CDH6: variants seen among roughly 807,000 people sequenced by gnomAD.
CDH6 encodes cadherin-6.
A neutral mutation model predicts 78.0 loss-of-function variants in CDH6; 31 were observed. The observed-to-expected ratio is 0.40, with a 90% CI of 0.30 to 0.54. The LOEUF (loss-of-function observed/expected upper bound fraction) is 0.54, where lower values mean the gene tolerates loss of function less well. CDH6 is among the 20% of genes least tolerant of loss of function. The pLI, the probability that CDH6 is intolerant of heterozygous loss-of-function variation, is 0.56. For missense variants in CDH6, 724 were observed against 975.9 expected (o/e 0.74, Z 3.44); for synonymous variants, 376 against 368.8 (o/e 1.02, Z -0.23).
chr5:31,244,828 A>G (rs1215016791), intron 1 of CDH6, among the ~76,000 whole-genome samples: 3 of 152,144 alleles, frequency 2.0e-5, no homozygotes, highest in Non-Finnish European at 4.4e-5. Flanking sequence ...TACTTACTAT[A>G]GGAGAAGAGG....
At chr5:31,263,911 T>C (rs1481485724) in intron 1 of CDH6, among the ~76,000 whole-genome samples, 7 of 152,246 alleles carry the variant, frequency 4.6e-5, no homozygotes, top group Non-Finnish European at 5.9e-5. Context: ...TAGTTCTGAT[T>C]TTCTTTCACC....
chr5:31,275,138 T>C (rs544006878), intron 2 of CDH6, among the ~76,000 whole-genome samples: 1 of 152,328 alleles, frequency 6.6e-6, no homozygotes, highest in Non-Finnish European at 1.5e-5. Flanking sequence ...AGAATATAAA[T>C]AAGCTGAATG....
intron 1 of CDH6, among the ~76,000 whole-genome samples, chr5:31,202,754 A>T (rs959469572): frequency 5.3e-5 from 8 of 151,274 alleles, no homozygotes; most frequent in African/African-American, 1.7e-4. Context: ...GTATATATGT[A>T]ACATATACAC....
chr5:31,261,324 T>C (rs1390818933), intron 1 of CDH6, among the ~76,000 whole-genome samples: 4 of 152,242 alleles, frequency 2.6e-5, no homozygotes, highest in Non-Finnish European at 5.9e-5. Flanking sequence ...TGTTTTCTAC[T>C]TCCTTAATGA....
Position 31,325,339 on chromosome 5 carries a change from C to G in CDH6, c.*2031C>G, listed in dbSNP as rs1579920945. On this transcript the variant is annotated 3_prime_UTR_variant, in exon 12 of 12. Coordinates refer to ENST00000265071, the MANE Select transcript of CDH6 (RefSeq NM_004932.4). ...ACACACATACACACACACACACACA[C>G]ACACACACACACACACGAATGCAAA... is the stretch of plus-strand genomic sequence containing the variant. 3.4e-5 allele frequency: 8 copies of G among 232,006 alleles called. No homozygotes were observed. The East Asian group carries it at 3.7e-4, about 11-fold the overall frequency. The allele number at this position is 232,006 out of a possible 1,614,324, so 14.4% of individuals were successfully genotyped here. A position where few individuals can be genotyped will look rare whatever the true frequency, so the allele number is the denominator to read the frequency against.
At chr5:31,216,543 CA>C (rs1179613074) in intron 1 of CDH6, among the ~76,000 whole-genome samples, 1 of 151,684 alleles carries the variant, frequency 6.6e-6, no homozygotes, top group Admixed American at 6.6e-5. Context: ...ATAGCATAGT[CA>C]AATAGTTGCA....
intron 2 of CDH6, among the ~76,000 whole-genome samples, chr5:31,288,962 G>T (rs1055859603): frequency 2.0e-5 from 3 of 152,172 alleles, no homozygotes; most frequent in Non-Finnish European, 2.9e-5. Flanking sequence ...TTGTTGGGGG[G>T]AGAGGGGGTT....
intron 2 of CDH6, among the ~76,000 whole-genome samples, chr5:31,272,801 A>G (rs58520378): frequency 0.34 from 52,168 of 152,058 alleles, 9,119 homozygotes; most frequent in Admixed American, 0.39. Flanking sequence ...CATGCCAGGA[A>G]ATCTGTTTTT....
chr5:31,273,528 T>C (rs560236000), intron 2 of CDH6, among the ~76,000 whole-genome samples: 1 of 152,144 alleles, frequency 6.6e-6, no homozygotes, highest in Non-Finnish European at 1.5e-5. Context: ...CAGGCCATTG[T>C]CTCACACTGC....
intron 1 of CDH6, among the ~76,000 whole-genome samples, chr5:31,224,785 C>T (rs961476405): frequency 2.6e-5 from 4 of 152,166 alleles, no homozygotes; most frequent in Admixed American, 1.3e-4. Flanking sequence ...CTCAAGTGAT[C>T]CACCTTCCTC....
chr5:31,313,492 T>G lies in CDH6; in HGVS notation c.1390+38T>G, dbSNP rs764292015. The G allele has an allele frequency of 3.8e-6, 6 of 1,577,214 alleles. No homozygotes were observed. The South Asian group carries it at 6.9e-5, about 18-fold the overall frequency. On this transcript the variant is annotated intron_variant, in intron 8 of 11. Coordinates refer to ENST00000265071, the MANE Select transcript of CDH6 (RefSeq NM_004932.4). ...TAATACCGCTGCTGTCCCCTATTAA[T>G]AGACTGAGTGTCCCAGCAAGGGCTG... is the stretch of plus-strand genomic sequence containing the variant.
intron 11 of CDH6, among the ~76,000 whole-genome samples, chr5:31,321,915 A>T (rs563296565): frequency 6.6e-6 from 1 of 152,250 alleles, no homozygotes; most frequent in Non-Finnish European, 1.5e-5. Context: ...ATGTCCATTC[A>T]TAGATAGATG....
At chr5:31,296,857 G>A (rs1012982255) in intron 3 of CDH6, among the ~76,000 whole-genome samples, 4 of 152,058 alleles carry the variant, frequency 2.6e-5, no homozygotes, top group Admixed American at 1.3e-4. Flanking sequence ...AGCACATTAC[G>A]GTCCAAGAAA....
At chr5:31,259,473 G>A (rs1190708349) in intron 1 of CDH6, among the ~76,000 whole-genome samples, 1 of 152,246 alleles carries the variant, frequency 6.6e-6, no homozygotes, top group East Asian at 1.9e-4. Flanking sequence ...AATCATCCAT[G>A]CTAATTTGTA....
intron 2 of CDH6, among the ~76,000 whole-genome samples, chr5:31,280,417 A>G (rs1408113595): frequency 6.6e-6 from 1 of 152,170 alleles, no homozygotes; most frequent in African/African-American, 2.4e-5. Flanking sequence ...CTAGTTGAAC[A>G]TGATTCATTC....
chr5:31,195,340 C>A (rs924852330), intron 1 of CDH6, among the ~76,000 whole-genome samples: 2 of 152,042 alleles, frequency 1.3e-5, no homozygotes, highest in Non-Finnish European at 2.9e-5. Context: ...AAAAAGGAAC[C>A]CAGGGATATG....
chr5:31,243,620 C>T (rs1234593790), intron 1 of CDH6, among the ~76,000 whole-genome samples: 1 of 152,150 alleles, frequency 6.6e-6, no homozygotes, highest in East Asian at 1.9e-4. Flanking sequence ...CCAAGCTTGC[C>T]TGCTTGACAC....
intron 4 of CDH6, among the ~76,000 whole-genome samples, chr5:31,299,046 C>T (rs1035383772): frequency 1.3e-5 from 2 of 152,176 alleles, no homozygotes; most frequent in African/African-American, 4.8e-5. Context: ...GCTTTCCTAA[C>T]AATTTCCTCA....
chr5:31,302,258 C>G lies in CDH6; in HGVS notation c.959C>G (p.Thr320Ser), dbSNP rs1038281834. 2 of 1,613,690 alleles carry G rather than the reference C, an allele frequency of 1.2e-6. No homozygotes were observed. Among genetic ancestry groups the G allele is most frequent in the African/African-American group, 2.7e-5 (2 of 74,908 alleles). Residue 320 changes from threonine (T) to serine (S), a missense_variant, in exon 6 of 12, where the codon ACC (threonine) becomes AGC (serine). This residue lies in a region of CDH6 where 446 missense variants were observed against 684.5 expected (regional missense o/e 0.65). Coordinates refer to ENST00000265071, the MANE Select transcript of CDH6 (RefSeq NM_004932.4). ...GEGLDMFDVI[T>S]DQETQEGIIT... ...GGGCTGGATATGTTTGATGTCATCA[C>G]CGACCAGGAAACCCAGGAAGGGATT...
Sources: allele counts gnomAD v4.1 joint callset (sites outside exome capture counted in the v4.1 genomes callset), GRCh38; gene constraint gnomAD v4.1.1; regional missense constraint gnomAD v4.1.1; transcripts MANE v1.5; gene names NCBI Gene and HGNC (gene_info 2026-07-23, HGNC 2026-07-21).